Variants in LARP4 observed in about 807,000 individuals in gnomAD.
LARP4 encodes the protein la-related protein 4.
In LARP4, 29 loss-of-function variants were observed where a neutral mutation model predicts 92.9. The observed-to-expected ratio is 0.31, with a 90% CI of 0.23 to 0.43. LARP4 has a LOEUF of 0.43. Ranked by LOEUF, LARP4 falls within the 20% of genes least tolerant of loss-of-function variation. The probability of loss-of-function intolerance (pLI) is 1.00; values close to 1 mark genes in which losing one functional copy is unlikely to be tolerated. For synonymous variants in LARP4, 279 were observed against 284.1 expected (o/e 0.98, Z 0.18); for missense variants, 732 against 860.0 (o/e 0.85, Z 1.86).
intron 10 of LARP4, among the ~76,000 whole-genome samples, chr12:50,458,333 T>C (rs1407005223): frequency 6.6e-6 from 1 of 152,160 alleles, no homozygotes; most frequent in Non-Finnish European, 1.5e-5. Context: ...GGTTTCACCA[T>C]GTTGGCCAGG....
intron 1 of LARP4, among the ~76,000 whole-genome samples, chr12:50,418,582 G>A (rs1301364064): frequency 2.0e-5 from 3 of 151,934 alleles, no homozygotes; most frequent in African/African-American, 4.8e-5. Flanking sequence ...AACACGCCTC[G>A]CTAATTTTTT....
At position 50,417,349 on chromosome 12, in the gene LARP4, T is replaced by C. The variant is rs192286783; in HGVS notation, c.19-10413T>C. Among the ~76,000 whole-genome samples, 49 of 150,116 alleles carry C rather than the reference T, an allele frequency of 3.3e-4. 1 individual carries two copies. The highest frequency in any genetic ancestry group is 1.4e-3 in the Admixed American group (21 of 14,936). The stretch of plus-strand genomic sequence containing the variant: ...GAGATCGTGTCACTGCGCTCCAGCC[T>C]GGGTGACAGAGCAAAACTCTGTCTC... On this transcript the variant is annotated intron_variant, in intron 1 of 15. Transcript: ENST00000398473.
At chr12:50,440,674 C>T in intron 7 of LARP4, 125 bp downstream of exon 7, 1 of 591,828 alleles carries the variant, frequency 1.7e-6, no homozygotes, top group Non-Finnish European at 3.0e-6. Flanking sequence ...CTTGGTCACC[C>T]TTTTGCTTTT....
chr12:50,444,202 T>G (rs900619470), intron 8 of LARP4, among the ~76,000 whole-genome samples: 6 of 152,006 alleles, frequency 3.9e-5, no homozygotes, highest in African/African-American at 1.4e-4. Flanking sequence ...ATTCAATTCA[T>G]TTTTACTACT....
intron 12 of LARP4, among the ~76,000 whole-genome samples, chr12:50,464,821 G>A (rs886545099): frequency 1.3e-5 from 2 of 151,270 alleles, no homozygotes; most frequent in East Asian, 2.0e-4. Flanking sequence ...CTCCCAAGTA[G>A]CTGGAATTAC....
intron 5 of LARP4, among the ~76,000 whole-genome samples, chr12:50,436,946 ATCTC>A (rs1467529079): frequency 6.6e-6 from 1 of 152,236 alleles, no homozygotes; most frequent in Non-Finnish European, 1.5e-5. Context: ...CATTTATGGA[ATCTC>A]TCATTGGTTT....
In LARP4 at chr12:50,401,042, G is replaced by A; in HGVS notation, c.18+14G>A. ...CTTTTCGTGGAGGTGAGTGCATTAT[G>A]CTAGTCTCGTCCTGCTCTTAGGAGA... On this transcript the variant is annotated intron_variant, in intron 1 of 15. Coordinates refer to ENST00000398473, the MANE Select transcript of LARP4 (RefSeq NM_052879.5). The A allele has an allele frequency of 6.2e-7, 1 of 1,614,070 alleles. No individual in the cohort carries two copies. Among genetic ancestry groups the A allele is most frequent in the East Asian group, 2.2e-5 (1 of 44,876 alleles).
At chr12:50,426,719 GTGTGTGTGTGTGGTTTT>G in intron 1 of LARP4, among the ~76,000 whole-genome samples, 1 of 132,686 alleles carries the variant, frequency 7.5e-6, no homozygotes, top group Non-Finnish European at 1.6e-5. Flanking sequence ...GTGTGTGTGT[GTGTGTGTGTGTGGTTTT>G]TTTTTTTTTT....
chr12:50,420,161 TTGAGGAAAGAACTAAA>T, intron 1 of LARP4, among the ~76,000 whole-genome samples: 1 of 151,976 alleles, frequency 6.6e-6, no homozygotes, highest in Non-Finnish European at 1.5e-5. Flanking sequence ...TCAGATAGAT[TTGAGGAAAGAACTAAA>T]AGAAACTTTA....
At chr12:50,435,376 A>T in intron 4 of LARP4, 112 bp from the exon 5 acceptor site, 1 of 683,048 alleles carries the variant, frequency 1.5e-6, no homozygotes, top group South Asian at 1.9e-5. Context: ...GTTATTTCTG[A>T]TAGAATAATC....
At chr12:50,439,756 G>C (rs992901415) in intron 6 of LARP4, among the ~76,000 whole-genome samples, 1 of 151,974 alleles carries the variant, frequency 6.6e-6, no homozygotes, top group Non-Finnish European at 1.5e-5. Context: ...ACTTCTTAAG[G>C]ATACTTAATG....
chr12:50,416,170 G>A (rs76869292), intron 1 of LARP4, among the ~76,000 whole-genome samples: 2,217 of 152,320 alleles, frequency 0.015, 66 homozygotes, highest in African/African-American at 0.051. Context: ...AATAGTTGCA[G>A]ATTGAGTTCC....
chr12:50,461,727 T>TGGGAGGATCATCTCAGGTC (rs1410323767), intron 11 of LARP4, among the ~76,000 whole-genome samples: 57 of 152,094 alleles, frequency 3.7e-4, no homozygotes, highest in East Asian at 2.9e-3. Context: ...GAGGCCGTGG[T>TGGGAGGATCATCTCAGGTC]GGGAGGATCA....
rs1460368731 is a variant in LARP4 at position 50,440,436 on chromosome 12, T to C, written c.640-3T>C. On this transcript the variant is annotated splice_region_variant and splice_polypyrimidine_tract_variant and intron_variant, in intron 6 of 15. Coordinates refer to ENST00000398473, the MANE Select transcript of LARP4 (RefSeq NM_052879.5). ...AGTTAACTAATTTTCTTTTTCTTTTTAGGAAGTGAAAGGTTTGTTCAAAAG... is the reference window on the plus strand; with the variant it reads ...AGTTAACTAATTTTCTTTTTCTTTTCAGGAAGTGAAAGGTTTGTTCAAAAG... 6.2e-7 allele frequency: 1 copy of C among 1,607,908 alleles called. No individual in the cohort carries two copies. The highest frequency in any genetic ancestry group is 2.2e-5 in the East Asian group (1 of 44,832).
In LARP4 at chr12:50,477,412, T is replaced by A. The variant is rs1456368039; in HGVS notation, c.*1548T>A. 2.0e-5 allele frequency: 3 copies of A among 152,552 alleles called. No individual in the cohort carries two copies. Among genetic ancestry groups the A allele is most frequent in the Non-Finnish European group, 4.4e-5 (3 of 67,996 alleles). 9.4% of individuals were successfully genotyped at this position (152,552 alleles called of 1,614,324 possible). ...AAGAACTGTCCCATATGTTAGTAAA[T>A]TACATATGTACAAATTGAAACTGTA... On this transcript the variant is annotated 3_prime_UTR_variant, in exon 16 of 16. Coordinates refer to ENST00000398473, the MANE Select transcript of LARP4 (RefSeq NM_052879.5).
At chr12:50,469,601 C>CAAAA (rs757844912) in intron 13 of LARP4, among the ~76,000 whole-genome samples, 3 of 65,536 alleles carry the variant, frequency 4.6e-5, no homozygotes, top group Admixed American at 2.2e-4. Flanking sequence ...GAGACTCTAT[C>CAAAA]AAAAAAAAAA....
chr12:50,407,133 C>G (rs922007861), intron 1 of LARP4, among the ~76,000 whole-genome samples: 4 of 151,964 alleles, frequency 2.6e-5, no homozygotes, highest in Non-Finnish European at 5.9e-5. Flanking sequence ...TCAAGCGATT[C>G]TTCTGCCTCA....
At chr12:50,417,686 T>G (rs973508763) in intron 1 of LARP4, among the ~76,000 whole-genome samples, 1 of 152,204 alleles carries the variant, frequency 6.6e-6, no homozygotes, top group African/African-American at 2.4e-5. Flanking sequence ...CTGCTTTAAT[T>G]ACTTATTAAT....
intron 12 of LARP4, among the ~76,000 whole-genome samples, chr12:50,465,450 T>C (rs2138853216): frequency 6.6e-6 from 1 of 151,650 alleles, no homozygotes; most frequent in South Asian, 2.1e-4. Flanking sequence ...GGACTAAACA[T>C]TGGGGTTAAA....
Sources: gnomAD v4.1 joint callset for allele counts (sites outside exome capture counted in the v4.1 genomes callset) on GRCh38, gnomAD v4.1.1 for gene constraint, MANE v1.5 for transcripts, NCBI Gene and HGNC (gene_info 2026-07-23, HGNC 2026-07-21) for gene names.